The following FOXP2 variants were observed in gnomAD, a reference collection of about 807,000 sequenced individuals.
FOXP2 encodes the protein forkhead box P2, also known as forkhead box protein P2.
FOXP2 carries 12 observed loss-of-function variants against 115.8 expected under a neutral mutation model. The ratio of observed to expected loss-of-function variants is 0.10; its 90% CI spans 0.07 to 0.17. The LOEUF (loss-of-function observed/expected upper bound fraction) is 0.17, where lower values mean the gene tolerates loss of function less well. Ranked by LOEUF, FOXP2 falls within the 10% of genes least tolerant of loss-of-function variation. FOXP2 has a pLI of 1.00. For missense variants in FOXP2, 629 were observed against 843.5 expected, an observed-to-expected ratio of 0.75 and a Z score of 3.15; for synonymous variants, 328 against 297.7, an observed-to-expected ratio of 1.10 and a Z score of -1.05.
intron 2 of FOXP2, among the ~76,000 whole-genome samples, chr7:114,328,233 C>CTTTTTTTTTTTT (rs1193894946): frequency 7.7e-6 from 1 of 129,600 alleles, no homozygotes; most frequent in African/African-American, 2.9e-5. Context: ...CTTTTCTTTT[C>CTTTTTTTTTTTT]TTTTTTTTTT....
At chr7:114,640,160 TG>T (rs1057370869) in intron 6 of FOXP2, among the ~76,000 whole-genome samples, 64 of 152,304 alleles carry the variant, frequency 4.2e-4, no homozygotes, top group African/African-American at 1.5e-3. Flanking sequence ...GTTTTCCTGT[TG>T]GGACACCTAA....
chr7:114,408,433 A>T (rs1793083954), intron 2 of FOXP2, among the ~76,000 whole-genome samples: 1 of 152,186 alleles, frequency 6.6e-6, no homozygotes, highest in African/African-American at 2.4e-5. Flanking sequence ...AGTATTTATA[A>T]CATAATGAAT....
intron 3 of FOXP2, among the ~76,000 whole-genome samples, chr7:114,611,228 A>G (rs1336314032): frequency 6.6e-6 from 1 of 152,170 alleles, no homozygotes; most frequent in African/African-American, 2.4e-5. Flanking sequence ...TGATTTGTAA[A>G]TACGGATTTC....
chr7:114,255,501 C>T (rs975754744), intron 1 of FOXP2, among the ~76,000 whole-genome samples: 42 of 152,300 alleles, frequency 2.8e-4, no homozygotes, highest in Admixed American at 4.6e-4. Context: ...CGGGGGCGCC[C>T]GTCCCTCAGC....
intron 2 of FOXP2, among the ~76,000 whole-genome samples, chr7:114,403,202 T>C (rs1792935056): frequency 2.0e-5 from 3 of 152,192 alleles, no homozygotes; most frequent in Admixed American, 2.0e-4. Flanking sequence ...TTGAAATACA[T>C]GCATAAAAAC....
intron 1 of FOXP2, among the ~76,000 whole-genome samples, chr7:114,102,770 T>C (rs1368856274): frequency 6.6e-6 from 1 of 150,608 alleles, no homozygotes; most frequent in African/African-American, 2.5e-5. Context: ...ACATATCTTT[T>C]AAATCTCTGT....
intron 1 of FOXP2, among the ~76,000 whole-genome samples, chr7:114,165,737 C>G (rs1792964733): frequency 6.6e-6 from 1 of 152,112 alleles, no homozygotes; most frequent in East Asian, 1.9e-4. Flanking sequence ...AAAATCCCAG[C>G]AAGTTATTTT....
At chr7:114,516,656 A>G (rs1367172341) in intron 2 of FOXP2, among the ~76,000 whole-genome samples, 1 of 151,546 alleles carries the variant, frequency 6.6e-6, no homozygotes, top group African/African-American at 2.4e-5. Flanking sequence ...CATCCTAACC[A>G]ATACTTGGTA....
chr7:114,092,911 T>C (rs915303965), intron 1 of FOXP2, among the ~76,000 whole-genome samples: 1 of 152,124 alleles, frequency 6.6e-6, no homozygotes, highest in Admixed American at 6.5e-5. Flanking sequence ...TCTATACATA[T>C]AGTTTGTACA....
At chr7:114,557,780 G>A (rs1215912630) in intron 3 of FOXP2, among the ~76,000 whole-genome samples, 1 of 148,146 alleles carries the variant, frequency 6.8e-6, no homozygotes, top group Non-Finnish European at 1.5e-5. Flanking sequence ...TTTTGACACT[G>A]AACTGACTTT....
chr7:114,336,971 G>A (rs1414370415), intron 2 of FOXP2, among the ~76,000 whole-genome samples: 2 of 151,380 alleles, frequency 1.3e-5, no homozygotes, highest in Non-Finnish European at 3.0e-5. Context: ...GATGCTGTCA[G>A]GTGTTCTTTT....
chr7:114,492,633 A>C (rs1485988783), intron 2 of FOXP2, among the ~76,000 whole-genome samples: 5 of 152,136 alleles, frequency 3.3e-5, no homozygotes, highest in Admixed American at 1.3e-4. Flanking sequence ...GTTGGTGTCA[A>C]AGAACATCTT....
At chr7:114,484,671 C>T (rs369384179) in intron 2 of FOXP2, among the ~76,000 whole-genome samples, 9 of 151,754 alleles carry the variant, frequency 5.9e-5, no homozygotes, top group African/African-American at 2.2e-4. Flanking sequence ...TTAATTTTTG[C>T]ATAAGAAATC....
chr7:114,233,531 A>G (rs1195341327), intron 1 of FOXP2, among the ~76,000 whole-genome samples: 2 of 152,210 alleles, frequency 1.3e-5, no homozygotes, highest in African/African-American at 4.8e-5. Flanking sequence ...TTCAAGGGCT[A>G]TGGGAATGGA....
intron 1 of FOXP2, among the ~76,000 whole-genome samples, chr7:114,172,400 A>C (rs1397686654): frequency 6.6e-6 from 1 of 152,216 alleles, no homozygotes; most frequent in Non-Finnish European, 1.5e-5. Flanking sequence ...ATGGTAGTGC[A>C]GCCATTCTCT....
At chr7:114,233,522 T>A (rs1794937341) in intron 1 of FOXP2, among the ~76,000 whole-genome samples, 1 of 152,302 alleles carries the variant, frequency 6.6e-6, no homozygotes, top group African/African-American at 2.4e-5. Context: ...ATGAGGCCCT[T>A]CAAGGGCTAT....
chr7:114,219,683 CT>C (rs1294803712), intron 1 of FOXP2, among the ~76,000 whole-genome samples: 2 of 151,968 alleles, frequency 1.3e-5, no homozygotes, highest in African/African-American at 4.8e-5. Context: ...AATATGATCC[CT>C]TTTTTACTTC....
chr7:114,617,439 A>G (rs936302834), intron 3 of FOXP2, among the ~76,000 whole-genome samples: 13 of 152,222 alleles, frequency 8.5e-5, no homozygotes, highest in African/African-American at 3.1e-4. Flanking sequence ...CTAAAATTCA[A>G]ATCTGATCAT....
chr7:114,294,744 G>A (rs1435462089), intron 2 of FOXP2, among the ~76,000 whole-genome samples: 1 of 152,028 alleles, frequency 6.6e-6, no homozygotes, highest in African/African-American at 2.4e-5. Context: ...AGGAGGCTGA[G>A]GCAGGAGAAT....
Sources: gnomAD v4.1 joint callset for allele counts (sites outside exome capture counted in the v4.1 genomes callset) on GRCh38, gnomAD v4.1.1 for gene constraint, MANE v1.5 for transcripts, NCBI Gene and HGNC (gene_info 2026-07-23, HGNC 2026-07-21) for gene names.